The following XIRP2 variants were observed in gnomAD, a reference collection of about 807,000 sequenced individuals.
XIRP2 encodes the protein xin actin-binding repeat-containing protein 2.
A neutral mutation model predicts 277.0 loss-of-function variants in XIRP2; 236 were observed. That is an observed-to-expected ratio of 0.85 (90% CI 0.77 to 0.95). The LOEUF (loss-of-function observed/expected upper bound fraction) is 0.95. Among genes scored for constraint, XIRP2 ranks in the 40% least tolerant of loss-of-function variants. XIRP2 has a pLI of 0.00. For missense variants in XIRP2, 4,640 were observed against 4,157.5 expected, an observed-to-expected ratio of 1.12 and a Z score of -3.19; for synonymous variants, 1,490 against 1,416.5, an observed-to-expected ratio of 1.05 and a Z score of -1.17.
chr2:167,085,335 C>T (rs1468005229), intron 2 of XIRP2, among the ~76,000 whole-genome samples: 1 of 151,634 alleles, frequency 6.6e-6, no homozygotes, highest in African/African-American at 2.4e-5. Context: ...TGTTCTTTTA[C>T]ATTTGCTGAG....
rs12612401 is a variant in XIRP2, at chr2:167,139,455, T to C, written c.562+3393T>C. Among the ~76,000 whole-genome samples, 440 of 152,302 alleles carry C rather than the reference T, an allele frequency of 2.9e-3. 12 individuals are homozygous for C. The East Asian group carries it at 0.056, about 19-fold the overall frequency. On this transcript the variant is annotated intron_variant, in intron 3 of 10. Coordinates refer to ENST00000409195, the MANE Select transcript of XIRP2 (RefSeq NM_152381.6). ...ATATTCAAAGTCACTTTTTCCAGGC[T>C]TTTGCAATAAACCTTGGAAATTACC... is the stretch of plus-strand genomic sequence containing the variant.
chr2:167,017,458 G>T (rs1226170630), intron 2 of XIRP2, among the ~76,000 whole-genome samples: 2 of 152,004 alleles, frequency 1.3e-5, no homozygotes, highest in Non-Finnish European at 2.9e-5. Context: ...AGTTACCCTT[G>T]CCAAGATAGT....
At chr2:167,194,072 CCTTTT>C (rs1006523376) in intron 3 of XIRP2, among the ~76,000 whole-genome samples, 2 of 151,318 alleles carry the variant, frequency 1.3e-5, no homozygotes, top group South Asian at 2.1e-4. Context: ...ACCATCTTTC[CCTTTT>C]CTTTTCTTTT....
intron 2 of XIRP2, among the ~76,000 whole-genome samples, chr2:166,964,578 C>T (rs767894962): frequency 6.6e-6 from 1 of 151,782 alleles, no homozygotes; most frequent in East Asian, 1.9e-4. Flanking sequence ...GAATAAGTTG[C>T]TCTTGATCCT....
At chr2:167,064,376 A>G (rs191472193) in intron 2 of XIRP2, among the ~76,000 whole-genome samples, 1 of 151,924 alleles carries the variant, frequency 6.6e-6, no homozygotes, top group Non-Finnish European at 1.5e-5. Context: ...AGAATTTTAT[A>G]GCGCATACTT....
rs565476876 is a variant in XIRP2 at position 167,250,927 on chromosome 2, T to C, written c.9535T>C (p.Ser3179Pro). 2.9e-5 allele frequency: 46 copies of C among 1,613,484 alleles called. No homozygotes were observed. In the Middle Eastern group the frequency reaches 5.0e-4, roughly 17 times the overall value. The change falls in exon 9 of 11, where the codon TCT becomes CCT. Residue 3179 changes from serine to proline, a missense_variant. By Grantham distance (74) the Ser-to-Pro change is moderately conservative. Transcript: ENST00000409195. ...TTCCCCTTCTCCACCCAGGAGTCGCTCTGAACAACTTGTCAGACTCAAAGA... is the reference window on the plus strand; with the variant it reads ...TTCCCCTTCTCCACCCAGGAGTCGCCCTGAACAACTTGTCAGACTCAAAGA... ...NTSPSPPRSR[S>P]EQLVRLKDTT...
chr2:167,168,765 C>T (rs1573929875), intron 3 of XIRP2, among the ~76,000 whole-genome samples: 1 of 152,256 alleles, frequency 6.6e-6, no homozygotes, highest in East Asian at 1.9e-4. Flanking sequence ...TAGGTGCCCA[C>T]CACCACGCCC....
chr2:167,210,939 G>C lies in XIRP2; in HGVS notation c.723+44G>C, dbSNP rs1213488084. 3.7e-6 allele frequency: 6 copies of C among 1,605,710 alleles called. No individual in the cohort carries two copies. In the South Asian group the frequency reaches 6.6e-5, roughly 18 times the overall value. Reference sequence around the variant, plus strand: ...TTTTGCACTAGGCAATGTGCTTACTGTCTGTCCCAATTCCCTCTTTATATT... The same window carrying C: ...TTTTGCACTAGGCAATGTGCTTACTCTCTGTCCCAATTCCCTCTTTATATT... On this transcript the variant is annotated intron_variant, in intron 4 of 10. Transcript: ENST00000409195.
intron 2 of XIRP2, among the ~76,000 whole-genome samples, chr2:166,914,275 T>C (rs1288087763): frequency 6.6e-6 from 1 of 152,192 alleles, no homozygotes; most frequent in Non-Finnish European, 1.5e-5. Context: ...GAGTTTAACC[T>C]GTGAAATTTA....
At chr2:167,196,098 A>C (rs1693498030) in intron 3 of XIRP2, among the ~76,000 whole-genome samples, 2 of 152,100 alleles carry the variant, frequency 1.3e-5, no homozygotes, top group Admixed American at 1.3e-4. Context: ...AATACTCAAC[A>C]TCATTTATTC....
At position 167,250,021 on chromosome 2, in the gene XIRP2, G is replaced by A. The variant is rs996737290; in HGVS notation, c.8629G>A (p.Ala2877Thr). ...QNFQQTQIQT[A>T]ESKAEHKKLP... ...TTTTCAGCAAACACAAATACAGACC[G>A]CTGAAAGTAAAGCTGAACATAAAAA... The change falls in exon 9 of 11, where the codon GCT (alanine) becomes ACT (threonine). Residue 2877 changes from alanine (A) to threonine (T), a missense_variant. Physicochemically the swap from Ala to Thr is moderately conservative, Grantham distance 58. Coordinates refer to ENST00000409195, the MANE Select transcript of XIRP2 (RefSeq NM_152381.6). 18 of 1,613,452 alleles carry A rather than the reference G, an allele frequency of 1.1e-5. No individual in the cohort carries two copies. The highest frequency in any genetic ancestry group is 1.7e-5 in the Admixed American group (1 of 59,948).
intron 2 of XIRP2, among the ~76,000 whole-genome samples, chr2:166,949,944 C>G (rs1685983236): frequency 6.6e-6 from 1 of 151,678 alleles, no homozygotes; most frequent in Admixed American, 6.6e-5. Context: ...CTTTTTTTCC[C>G]TTTTTACAAT....
chr2:167,111,974 T>C (rs954415953), intron 2 of XIRP2, among the ~76,000 whole-genome samples: 1 of 152,202 alleles, frequency 6.6e-6, no homozygotes, highest in Non-Finnish European at 1.5e-5. Flanking sequence ...TAGTCTTTGA[T>C]GGTTTTTTGT....
chr2:167,212,382 C>T (rs563970322), intron 4 of XIRP2, among the ~76,000 whole-genome samples: 2 of 152,034 alleles, frequency 1.3e-5, no homozygotes, highest in Non-Finnish European at 2.9e-5. Flanking sequence ...ATTGACCTTG[C>T]CAGGTACTAA....
At chr2:167,009,196 A>G (rs1393965138) in intron 2 of XIRP2, among the ~76,000 whole-genome samples, 1 of 143,622 alleles carries the variant, frequency 7.0e-6, no homozygotes, top group Non-Finnish European at 1.5e-5. Flanking sequence ...TATATCTCCT[A>G]AAGTTATCCC....
intron 2 of XIRP2, among the ~76,000 whole-genome samples, chr2:167,072,608 G>A (rs925193771): frequency 5.3e-5 from 8 of 151,984 alleles, no homozygotes; most frequent in African/African-American, 1.7e-4. Context: ...AGTGTGTCAG[G>A]CACTCAATAA....
intron 2 of XIRP2, among the ~76,000 whole-genome samples, chr2:167,127,661 A>G (rs779621351): frequency 5.9e-5 from 9 of 152,208 alleles, no homozygotes; most frequent in Non-Finnish European, 1.0e-4. Flanking sequence ...TTTGAATTTC[A>G]GATATCTCGC....
Position 167,200,304 on chromosome 2 carries a change from C to T in XIRP2, c.563-10431C>T, listed in dbSNP as rs549190375. 1.5e-3 allele frequency among the ~76,000 whole-genome samples: 230 copies of T among 152,314 alleles called. 2 individuals are homozygous for T. The highest frequency in any genetic ancestry group is 3.9e-3 in the South Asian group (19 of 4,828). ...TGATCACCTGGGCTGGTCTAGGTCACGGCCAGTGTTCACTGTGCCGAGCCT... is the reference window on the plus strand; with the variant it reads ...TGATCACCTGGGCTGGTCTAGGTCATGGCCAGTGTTCACTGTGCCGAGCCT... On this transcript the variant is annotated intron_variant, in intron 3 of 10. Coordinates refer to ENST00000409195, the MANE Select transcript of XIRP2 (RefSeq NM_152381.6).
chr2:167,188,149 C>A (rs569282482), intron 3 of XIRP2, among the ~76,000 whole-genome samples: 1 of 152,274 alleles, frequency 6.6e-6, no homozygotes, highest in South Asian at 2.1e-4. Context: ...ATTATAGTAA[C>A]TACAACCTTA....
Sources: gnomAD v4.1 joint callset for allele counts (sites outside exome capture counted in the v4.1 genomes callset) on GRCh38, gnomAD v4.1.1 for gene constraint, MANE v1.5 for transcripts, NCBI Gene and HGNC (gene_info 2026-07-23, HGNC 2026-07-21) for gene names.